Variants in BMERB1 observed in about 807,000 individuals in gnomAD.
The protein encoded by BMERB1 is bMERB domain containing 1, also known as bMERB domain-containing protein 1.
BMERB1 carries 12 observed loss-of-function variants against 23.6 expected under a neutral mutation model. That is an observed-to-expected ratio of 0.51 (90% CI 0.33 to 0.82). The LOEUF (loss-of-function observed/expected upper bound fraction) is 0.82, where lower values mean the gene tolerates loss of function less well. Among genes scored for constraint, BMERB1 ranks in the 40% least tolerant of loss-of-function variants. The probability of loss-of-function intolerance (pLI) is 0.03; values close to 1 mark genes in which losing one functional copy is unlikely to be tolerated. For synonymous variants in BMERB1, 122 were observed against 96.6 expected (o/e 1.26, Z -1.54); for missense variants, 247 against 255.4 (o/e 0.97, Z 0.22).
chr16:15,489,769 T>C (rs1044713426), intron 1 of BMERB1, among the ~76,000 whole-genome samples: 4 of 152,168 alleles, frequency 2.6e-5, no homozygotes, highest in African/African-American at 9.7e-5. Context: ...TCTAACTTTT[T>C]CTATCTTCCC....
intron 3 of BMERB1, among the ~76,000 whole-genome samples, chr16:15,576,835 AGAG>A (rs1567505463): frequency 6.6e-6 from 1 of 152,134 alleles, no homozygotes; most frequent in East Asian, 1.9e-4. Flanking sequence ...ACTGACATAC[AGAG>A]GAGTGAGTTT....
At chr16:15,539,273 T>C (rs1172003033) in intron 2 of BMERB1, among the ~76,000 whole-genome samples, 1 of 152,094 alleles carries the variant, frequency 6.6e-6, no homozygotes, top group Non-Finnish European at 1.5e-5. Context: ...TTTGCACTCC[T>C]ATGAGAATCT....
intron 1 of BMERB1, among the ~76,000 whole-genome samples, chr16:15,444,699 G>A (rs2050974700): frequency 6.6e-6 from 1 of 152,206 alleles, no homozygotes; most frequent in Non-Finnish European, 1.5e-5. Context: ...GTCCTGCATG[G>A]AAGAGCAGAT....
chr16:15,526,313 A>T (rs563165405), intron 2 of BMERB1, among the ~76,000 whole-genome samples: 1 of 152,340 alleles, frequency 6.6e-6, no homozygotes, highest in East Asian at 1.9e-4. Context: ...ACAGGTATGA[A>T]CATGAAAGCA....
At chr16:15,454,491 G>A (rs1183915629) in intron 1 of BMERB1, among the ~76,000 whole-genome samples, 2 of 152,130 alleles carry the variant, frequency 1.3e-5, no homozygotes, top group Non-Finnish European at 2.9e-5. Context: ...ACACAGAGGC[G>A]ATTAAAATGC....
At chr16:15,506,948 A>G (rs911585639) in intron 1 of BMERB1, among the ~76,000 whole-genome samples, 2 of 152,168 alleles carry the variant, frequency 1.3e-5, no homozygotes, top group African/African-American at 4.8e-5. Flanking sequence ...AGTTTGACCA[A>G]TCACTTATGA....
chr16:15,472,954 G>A (rs1233472567), intron 1 of BMERB1, among the ~76,000 whole-genome samples: 1 of 149,754 alleles, frequency 6.7e-6, no homozygotes, highest in African/African-American at 2.5e-5. Flanking sequence ...TTACTTTCCA[G>A]GTTCAAGCAG....
At chr16:15,523,505 A>G (rs2051876527) in intron 2 of BMERB1, among the ~76,000 whole-genome samples, 1 of 152,132 alleles carries the variant, frequency 6.6e-6, no homozygotes, top group African/African-American at 2.4e-5. Context: ...TAGCATTTAA[A>G]GCGACCATGC....
At chr16:15,501,779 G>A (rs534172455) in intron 1 of BMERB1, among the ~76,000 whole-genome samples, 4 of 151,998 alleles carry the variant, frequency 2.6e-5, no homozygotes, top group Admixed American at 2.0e-4. Flanking sequence ...GCTCTGCCAC[G>A]GCTAATTTTT....
At chr16:15,516,528 A>G (rs1015647111) in intron 2 of BMERB1, among the ~76,000 whole-genome samples, 71 of 152,366 alleles carry the variant, frequency 4.7e-4, no homozygotes, top group South Asian at 1.9e-3. Context: ...GTTACAAGCA[A>G]AACCAAACCA....
At chr16:15,540,388 C>A (rs978748084) in intron 2 of BMERB1, among the ~76,000 whole-genome samples, 1 of 151,774 alleles carries the variant, frequency 6.6e-6, no homozygotes, top group Admixed American at 6.6e-5. Flanking sequence ...TAGCGGCTCT[C>A]GGTGGCATGC....
intron 2 of BMERB1, among the ~76,000 whole-genome samples, chr16:15,549,630 G>A (rs979353121): frequency 1.3e-5 from 2 of 150,876 alleles, no homozygotes; most frequent in African/African-American, 4.9e-5. Context: ...AGTGAGCTGA[G>A]ATCACGCCAC....
chr16:15,565,050 T>G (rs536708649), intron 2 of BMERB1, among the ~76,000 whole-genome samples: 3 of 148,594 alleles, frequency 2.0e-5, no homozygotes, highest in South Asian at 2.1e-4. Flanking sequence ...TATTCCTTTA[T>G]GCAAAAAAAA....
intron 2 of BMERB1, among the ~76,000 whole-genome samples, chr16:15,558,394 T>C (rs535156279): frequency 2.3e-4 from 35 of 152,160 alleles, no homozygotes; most frequent in South Asian, 1.0e-3. Context: ...AGTGAGGTCA[T>C]TGGCAATCTG....
intron 3 of BMERB1, among the ~76,000 whole-genome samples, chr16:15,570,132 C>T (rs943683997): frequency 6.6e-6 from 1 of 152,152 alleles, no homozygotes; most frequent in African/African-American, 2.4e-5. Context: ...GATAAGCACC[C>T]ACCATTACCC....
intron 1 of BMERB1, among the ~76,000 whole-genome samples, chr16:15,498,944 A>G (rs2051501075): frequency 6.6e-6 from 1 of 152,262 alleles, no homozygotes. Flanking sequence ...CTCACAGGCT[A>G]TGGAGCAGCA....
intron 1 of BMERB1, among the ~76,000 whole-genome samples, chr16:15,511,420 A>G (rs1475731193): frequency 1.3e-5 from 2 of 151,874 alleles, no homozygotes; most frequent in East Asian, 3.9e-4. Flanking sequence ...AATCTCTCCA[A>G]TTTCATGTTT....
intron 4 of BMERB1, among the ~76,000 whole-genome samples, chr16:15,581,756 G>A (rs896803322): frequency 5.3e-5 from 8 of 152,084 alleles, no homozygotes; most frequent in African/African-American, 1.4e-4. Context: ...CCTTAGTGGC[G>A]CCAATGCCCT....
At chr16:15,493,836 C>G (rs2051446241) in intron 1 of BMERB1, among the ~76,000 whole-genome samples, 1 of 152,172 alleles carries the variant, frequency 6.6e-6, no homozygotes, top group Admixed American at 6.5e-5. Context: ...AAATGAGGCA[C>G]ATGATTTTCA....
Sources: allele counts gnomAD v4.1 joint callset (sites outside exome capture counted in the v4.1 genomes callset), GRCh38; gene constraint gnomAD v4.1.1; transcripts MANE v1.5; gene names NCBI Gene and HGNC (gene_info 2026-07-23, HGNC 2026-07-21).